Variants in BMAL1 observed in about 807,000 individuals in gnomAD.
BMAL1 encodes the protein basic helix-loop-helix ARNT-like protein 1.
At chr11:13,386,855 T>G in the BMAL1 span, 1 of 1,411,406 alleles carries the variant, frequency 7.1e-7, no homozygotes, top group South Asian at 1.5e-5. Context: ...AGAATAGCTT[T>G]TATGTACTGA....
chr11:13,284,078 GT>G, the BMAL1 span, among the ~76,000 whole-genome samples: 26 of 2,882 alleles, frequency 9.0e-3, 1 homozygote, highest in South Asian at 0.11. Context: ...CAGTGTTGGG[GT>G]GTGTGTGTGT....
At chr11:13,340,421 A>T in the BMAL1 span, among the ~76,000 whole-genome samples, 5 of 152,322 alleles carry the variant, frequency 3.3e-5, no homozygotes, top group East Asian at 7.7e-4. Flanking sequence ...TCTGTTATTC[A>T]TATCCCACTG....
At chr11:13,340,395 T>C in the BMAL1 span, among the ~76,000 whole-genome samples, 1 of 152,340 alleles carries the variant, frequency 6.6e-6, no homozygotes, top group East Asian at 1.9e-4. Flanking sequence ...CTTATCTCCC[T>C]GAGCAGCTCC....
the BMAL1 span, among the ~76,000 whole-genome samples, chr11:13,323,360 T>A: frequency 6.6e-6 from 1 of 152,326 alleles, no homozygotes; most frequent in African/African-American, 2.4e-5. Context: ...CACTGCCCAT[T>A]CAGCAGCTAG....
chr11:13,360,322 T>C, the BMAL1 span: 7 of 1,596,298 alleles, frequency 4.4e-6, no homozygotes, highest in Admixed American at 1.7e-5. Flanking sequence ...AGTATACCAA[T>C]TCTTTCTCTT....
chr11:13,345,738 T>C, the BMAL1 span, among the ~76,000 whole-genome samples: 5 of 152,258 alleles, frequency 3.3e-5, no homozygotes, highest in East Asian at 1.9e-4. Context: ...ACCTTGAAAA[T>C]TGGGATAATG....
the BMAL1 span, among the ~76,000 whole-genome samples, chr11:13,317,005 T>C: frequency 2.6e-5 from 4 of 152,206 alleles, no homozygotes; most frequent in Non-Finnish European, 5.9e-5. Flanking sequence ...TTTTCTCATC[T>C]GTAAAATGGG....
At chr11:13,284,106 GTGTGTATATATATGTGTGTGTGTATA>G in the BMAL1 span, among the ~76,000 whole-genome samples, 9 of 80,686 alleles carry the variant, frequency 1.1e-4, no homozygotes, top group Non-Finnish European at 1.6e-4. Flanking sequence ...GTGTGTGTGT[GTGTGTATATATATGTGTGTGTGTATA>G]TATATATATA....
the BMAL1 span, among the ~76,000 whole-genome samples, chr11:13,282,435 C>G: frequency 1.1e-4 from 16 of 152,162 alleles, no homozygotes; most frequent in Non-Finnish European, 2.2e-4. Context: ...GTTGCCTTGC[C>G]GGGGTGCCTT....
the BMAL1 span, among the ~76,000 whole-genome samples, chr11:13,343,164 T>C: frequency 6.6e-6 from 1 of 152,188 alleles, no homozygotes; most frequent in Non-Finnish European, 1.5e-5. Flanking sequence ...ATGTGGGACC[T>C]AAGATTTGAA....
the BMAL1 span, among the ~76,000 whole-genome samples, chr11:13,288,427 T>TTTTTTTC: frequency 3.9e-3 from 252 of 65,418 alleles, 1 homozygote; most frequent in Middle Eastern, 0.021. Flanking sequence ...TTTTTTTCTT[T>TTTTTTTC]TTTTTTTTTT....
chr11:13,318,099 G>A, the BMAL1 span, among the ~76,000 whole-genome samples: 3 of 152,204 alleles, frequency 2.0e-5, no homozygotes, highest in East Asian at 3.9e-4. Flanking sequence ...TGTTTCTCCA[G>A]CCTGCCTCCG....
the BMAL1 span, chr11:13,373,999 C>T: frequency 9.4e-7 from 1 of 1,060,896 alleles, no homozygotes; most frequent in Admixed American, 1.8e-5. Flanking sequence ...TTTGACCTTG[C>T]TCTCATAGGC....
At chr11:13,348,322 G>T in the BMAL1 span, among the ~76,000 whole-genome samples, 1 of 152,216 alleles carries the variant, frequency 6.6e-6, no homozygotes, top group African/African-American at 2.4e-5. Flanking sequence ...AGTGTTTCCT[G>T]CTGGGTGGGT....
At chr11:13,316,298 T>C in the BMAL1 span, among the ~76,000 whole-genome samples, 8 of 152,198 alleles carry the variant, frequency 5.3e-5, no homozygotes, top group Non-Finnish European at 1.0e-4. Context: ...GAGAAGCTGC[T>C]TCATGGTGCA....
chr11:13,335,208 T>C, the BMAL1 span, among the ~76,000 whole-genome samples: 1 of 152,156 alleles, frequency 6.6e-6, no homozygotes, highest in South Asian at 2.1e-4. Flanking sequence ...ACAGGAGGAT[T>C]AGATGAGATT....
chr11:13,380,901 A>G, the BMAL1 span: 2 of 370,856 alleles, frequency 5.4e-6, no homozygotes, highest in African/African-American at 4.1e-5. Context: ...CCAGCTTGTC[A>G]TCTGTTTTTG....
the BMAL1 span, among the ~76,000 whole-genome samples, chr11:13,305,609 A>T: frequency 2.6e-5 from 4 of 151,730 alleles, no homozygotes; most frequent in African/African-American, 7.3e-5. Flanking sequence ...TTGTTGCCTG[A>T]TTGTGTGGCC....
the BMAL1 span, among the ~76,000 whole-genome samples, chr11:13,369,264 A>C: frequency 6.6e-6 from 1 of 152,226 alleles, no homozygotes; most frequent in Non-Finnish European, 1.5e-5. Context: ...TTTATTTGGC[A>C]CTAATCATAC....
Sources: gnomAD v4.1 joint callset for allele counts (sites outside exome capture counted in the v4.1 genomes callset) on GRCh38, gnomAD v4.1.1 for gene constraint, MANE v1.5 for transcripts, NCBI Gene and HGNC (gene_info 2026-07-23, HGNC 2026-07-21) for gene names.